TBXAS1: variants seen among roughly 807,000 people sequenced by gnomAD.
TBXAS1 encodes the protein thromboxane-A synthase.
Under a neutral mutation model 60.7 loss-of-function variants are expected in TBXAS1, and 48 were observed. That is an observed-to-expected ratio of 0.79 (90% CI 0.63 to 1.01). The LOEUF (loss-of-function observed/expected upper bound fraction) is 1.01, where lower values mean the gene tolerates loss of function less well. Ranked by LOEUF, TBXAS1 falls within the 50% of genes least tolerant of loss-of-function variation. TBXAS1 has a pLI of 0.00. For synonymous variants in TBXAS1, 287 were observed against 269.7 expected, an observed-to-expected ratio of 1.06 and a Z score of -0.63; for missense variants, 685 against 686.3, an observed-to-expected ratio of 1.00 and a Z score of 0.02.
intron 3 of TBXAS1, among the ~76,000 whole-genome samples, chr7:139,883,266 G>A (rs573674646): frequency 5.3e-5 from 8 of 152,262 alleles, no homozygotes; most frequent in South Asian, 2.1e-4. Context: ...GCATGATCTC[G>A]TTATACCAAA....
intron 3 of TBXAS1, among the ~76,000 whole-genome samples, chr7:139,904,264 G>T (rs1288284679): frequency 6.6e-6 from 1 of 152,002 alleles, no homozygotes; most frequent in East Asian, 1.9e-4. Context: ...GTAAGTATTT[G>T]AGTTTATTTC....
intron 3 of TBXAS1, among the ~76,000 whole-genome samples, chr7:139,886,845 C>T (rs954652872): frequency 2.6e-5 from 4 of 152,170 alleles, no homozygotes; most frequent in African/African-American, 9.7e-5. Flanking sequence ...AGACTCCAGC[C>T]TAAAGATTGT....
At chr7:139,830,891 G>A (rs1798661034) in intron 1 of TBXAS1, among the ~76,000 whole-genome samples, 1 of 151,922 alleles carries the variant, frequency 6.6e-6, no homozygotes, top group Non-Finnish European at 1.5e-5. Context: ...TTACACTTTT[G>A]TTTCAGTCTT....
At chr7:139,903,209 T>G (rs116656364) in intron 3 of TBXAS1, among the ~76,000 whole-genome samples, 3,223 of 152,164 alleles carry the variant, frequency 0.021, 131 homozygotes, top group African/African-American at 0.072. Flanking sequence ...GGTTTCCCAT[T>G]CCTGAGTTGC....
At chr7:139,805,382 C>T (rs775330764) in intron 4 of TBXAS1, among the ~76,000 whole-genome samples, 1 of 152,214 alleles carries the variant, frequency 6.6e-6, no homozygotes, top group Non-Finnish European at 1.5e-5. Flanking sequence ...TGTTATATTG[C>T]CTCACTTGCT....
chr7:139,880,875 T>C (rs1017801089), intron 3 of TBXAS1, among the ~76,000 whole-genome samples: 1 of 152,214 alleles, frequency 6.6e-6, no homozygotes, highest in Non-Finnish European at 1.5e-5. Context: ...TTTCGATAAA[T>C]ATGACTAAAT....
chr7:140,017,814 A>G lies in TBXAS1; in HGVS notation c.1508A>G (p.Gln503Arg), dbSNP rs1815212476. The G allele has an allele frequency of 1.9e-6, 3 of 1,614,064 alleles. No individual in the cohort carries two copies. The highest frequency in any genetic ancestry group is 2.5e-6 in the Non-Finnish European group (3 of 1,179,956). Residue 503 changes from glutamine to arginine, a missense_variant, in exon 12 of 13, where the codon CAA becomes CGA. Gln to Arg is a conservative substitution (Grantham distance 43, BLOSUM62 1). Transcript: ENST00000448866. ...LLHVLHKFRF[Q>R]ACPETQVPLQ... ...CACGTGCTGCACAAGTTCCGGTTCC[A>G]AGCCTGCCCTGAGACCCAGGTGAGG...
chr7:139,925,085 A>C (rs1369051704), intron 4 of TBXAS1, among the ~76,000 whole-genome samples: 1 of 152,130 alleles, frequency 6.6e-6, no homozygotes, highest in African/African-American at 2.4e-5. Context: ...GAAGTCAAGG[A>C]TTGTGATTCC....
At chr7:140,015,466 G>A (rs1417635751) in intron 10 of TBXAS1, among the ~76,000 whole-genome samples, 1 of 152,128 alleles carries the variant, frequency 6.6e-6, no homozygotes, top group Non-Finnish European at 1.5e-5. Context: ...AGGGATGGAT[G>A]AGTACATTTT....
At chr7:139,829,845 A>G (rs1163775156) in intron 1 of TBXAS1, among the ~76,000 whole-genome samples, 1 of 152,238 alleles carries the variant, frequency 6.6e-6, no homozygotes, top group African/African-American at 2.4e-5. Flanking sequence ...TGTTGGATTT[A>G]CAGTGAATTC....
In TBXAS1 at chr7:139,811,157, A is replaced by G. The variant is rs553417736; in HGVS notation, c.-79-18155A>G. 4.7e-4 allele frequency among the ~76,000 whole-genome samples: 71 copies of G among 152,362 alleles called. 1 individual carries two copies. Among genetic ancestry groups the G allele is most frequent in the African/African-American group, 1.7e-3 (71 of 41,594 alleles). ...TGGATTCAACCTGAAGTATATTGTG[A>G]TTTCTCAATATCTCCTTCCACAGGG... is the stretch of plus-strand genomic sequence containing the variant. On this transcript the variant is annotated intron_variant, in intron 4 of 16. Transcript: ENST00000336425.
At chr7:139,836,778 C>T (rs984442400) in intron 1 of TBXAS1, among the ~76,000 whole-genome samples, 16 of 152,060 alleles carry the variant, frequency 1.1e-4, no homozygotes, top group African/African-American at 3.6e-4. Flanking sequence ...ACCAAAAACC[C>T]GAAAGCAAAT....
chr7:139,872,436 C>T (rs1280530679), intron 2 of TBXAS1, 108 bp downstream of exon 2: 18 of 1,095,582 alleles, frequency 1.6e-5, no homozygotes, highest in Non-Finnish European at 2.3e-5. Flanking sequence ...GTGTGGATCA[C>T]CTGAGGTCAG....
chr7:140,019,530 C>A (rs1296679014), intron 12 of TBXAS1, among the ~76,000 whole-genome samples: 1 of 152,188 alleles, frequency 6.6e-6, no homozygotes, highest in African/African-American at 2.4e-5. Context: ...CCTTTGAGGG[C>A]TATGGCTCCC....
chr7:139,987,421 G>A lies in TBXAS1; in HGVS notation c.1135-19670G>A, dbSNP rs187805353. Among the ~76,000 whole-genome samples the A allele has an allele frequency of 2.4e-3, 363 of 152,314 alleles. 6 individuals are homozygous for A. The highest frequency in any genetic ancestry group is 0.021 in the Admixed American group (315 of 15,298). On this transcript the variant is annotated intron_variant, in intron 9 of 12. Coordinates refer to ENST00000448866, the MANE Select transcript of TBXAS1 (RefSeq NM_001061.7). ...CAGAATGGGTCAGACCAGAGTGAGT[G>A]TGCTCTGGCTAAGACTGGCCGACAG... is the stretch of plus-strand genomic sequence containing the variant.
intron 3 of TBXAS1, among the ~76,000 whole-genome samples, chr7:139,900,016 T>G (rs961901602): frequency 6.6e-6 from 1 of 152,320 alleles, no homozygotes; most frequent in Middle Eastern, 3.4e-3. Flanking sequence ...GAGAATTACA[T>G]GAGGAAATAC....
chr7:139,821,247 G>A (rs1178921111), intron 4 of TBXAS1, among the ~76,000 whole-genome samples: 1 of 152,146 alleles, frequency 6.6e-6, no homozygotes, highest in Non-Finnish European at 1.5e-5. Context: ...AGGAGGCTGC[G>A]GCAATGAGTC....
chr7:140,011,095 G>A (rs1424155872), intron 10 of TBXAS1, among the ~76,000 whole-genome samples: 1 of 151,892 alleles, frequency 6.6e-6, no homozygotes, highest in Non-Finnish European at 1.5e-5. Context: ...TGACCAACAT[G>A]ATGAAACTCT....
chr7:139,844,191 G>T (rs1003016186), intron 1 of TBXAS1, among the ~76,000 whole-genome samples: 5 of 152,068 alleles, frequency 3.3e-5, no homozygotes, highest in African/African-American at 1.2e-4. Context: ...AGTCTGAGTG[G>T]GGTATCCTGA....
Sources: gnomAD v4.1 joint callset for allele counts (sites outside exome capture counted in the v4.1 genomes callset) on GRCh38, gnomAD v4.1.1 for gene constraint, MANE v1.5 for transcripts, NCBI Gene and HGNC (gene_info 2026-07-23, HGNC 2026-07-21) for gene names.